AXDND1: variants seen among roughly 807,000 people sequenced by gnomAD.
The protein encoded by AXDND1 is axonemal dynein light chain domain-containing protein 1.
In AXDND1, 110 loss-of-function variants were observed where a neutral mutation model predicts 137.5. That is an observed-to-expected ratio of 0.80 (90% CI 0.69 to 0.94). The LOEUF is 0.94. Ranked by LOEUF, AXDND1 falls within the 40% of genes least tolerant of loss-of-function variation. The pLI, the probability that AXDND1 is intolerant of heterozygous loss-of-function variation, is 0.00. For missense variants in AXDND1, 1,191 were observed against 1,169.8 expected (o/e 1.02, Z -0.26); for synonymous variants, 414 against 399.7 (o/e 1.04, Z -0.43).
chr1:179,531,343 A>G (rs2125700574), intron 23 of AXDND1, among the ~76,000 whole-genome samples: 1 of 152,308 alleles, frequency 6.6e-6, no homozygotes, highest in Middle Eastern at 3.4e-3. Context: ...GGCTGAATTC[A>G]GGTCCCTCTC....
intron 17 of AXDND1, among the ~76,000 whole-genome samples, chr1:179,477,358 A>G (rs944261853): frequency 6.6e-6 from 1 of 152,106 alleles, no homozygotes; most frequent in East Asian, 1.9e-4. Context: ...AGACTGGGCA[A>G]TTTACAAAAG....
intron 24 of AXDND1, among the ~76,000 whole-genome samples, chr1:179,534,114 G>A (rs1448351075): frequency 6.6e-6 from 1 of 152,198 alleles, no homozygotes; most frequent in Non-Finnish European, 1.5e-5. Flanking sequence ...GTGTGTTGGA[G>A]GGGGTTGTTA....
At chr1:179,540,840 A>C (rs1299083201) in intron 25 of AXDND1, among the ~76,000 whole-genome samples, 2 of 152,152 alleles carry the variant, frequency 1.3e-5, no homozygotes, top group Admixed American at 6.5e-5. Flanking sequence ...TTTTTCTATA[A>C]GTCCCTGACT....
intron 4 of AXDND1, among the ~76,000 whole-genome samples, chr1:179,376,678 C>CAGTA (rs1464250289): frequency 6.6e-6 from 1 of 152,138 alleles, no homozygotes; most frequent in Non-Finnish European, 1.5e-5. Context: ...TTAGTTATTC[C>CAGTA]AGTAACATTC....
At chr1:179,494,596 A>G (rs570899853) in intron 20 of AXDND1, among the ~76,000 whole-genome samples, 16 of 149,550 alleles carry the variant, frequency 1.1e-4, no homozygotes, top group African/African-American at 3.7e-4. Flanking sequence ...CTGGACTTGA[A>G]CTCCTGAGCT....
chr1:179,508,354 A>G (rs1041123907), intron 20 of AXDND1, among the ~76,000 whole-genome samples: 1 of 151,494 alleles, frequency 6.6e-6, no homozygotes, highest in African/African-American at 2.4e-5. Context: ...AAAAAAGGCT[A>G]ATAATGAAAG....
chr1:179,461,295 T>C (rs1295121106), intron 16 of AXDND1, among the ~76,000 whole-genome samples: 1 of 152,246 alleles, frequency 6.6e-6, no homozygotes, highest in Non-Finnish European at 1.5e-5. Context: ...CAGCACCATT[T>C]ATTAAATAGG....
chr1:179,386,583 C>T (rs1649260656), intron 9 of AXDND1, among the ~76,000 whole-genome samples: 1 of 152,056 alleles, frequency 6.6e-6, no homozygotes, highest in South Asian at 2.1e-4. Flanking sequence ...GAAGTTGTCC[C>T]ACAGATCACT....
At chr1:179,394,619 G>A (rs1650762005) in intron 10 of AXDND1, among the ~76,000 whole-genome samples, 1 of 94,472 alleles carries the variant, frequency 1.1e-5, no homozygotes, top group Non-Finnish European at 2.5e-5. Context: ...AAATACAGAT[G>A]TTTACCTTAA....
intron 11 of AXDND1, among the ~76,000 whole-genome samples, chr1:179,405,014 T>G (rs894942201): frequency 6.6e-5 from 10 of 152,112 alleles, no homozygotes; most frequent in Admixed American, 2.6e-4. Flanking sequence ...CATCAACCCA[T>G]CATCTAGGTT....
chr1:179,519,425 A>G (rs1346621758), intron 21 of AXDND1, among the ~76,000 whole-genome samples: 1 of 151,954 alleles, frequency 6.6e-6, no homozygotes, highest in Non-Finnish European at 1.5e-5. Context: ...CTTCTGTTGC[A>G]ATTGTTTTTG....
intron 25 of AXDND1, chr1:179,546,195 G>A (rs1227179529): frequency 6.6e-6 from 1 of 151,974 alleles, no homozygotes; most frequent in Admixed American, 6.6e-5. Context: ...AGGTCTCTCT[G>A]GCTTCCTTAA....
chr1:179,545,050 C>T (rs1193440522), intron 25 of AXDND1: 1 of 152,268 alleles, frequency 6.6e-6, no homozygotes, highest in Non-Finnish European at 1.5e-5. Context: ...TTTGTCTGCT[C>T]TGTTCATGAC....
intron 17 of AXDND1, among the ~76,000 whole-genome samples, chr1:179,478,534 G>A (rs12737743): frequency 0.46 from 69,438 of 152,098 alleles, 16,746 homozygotes; most frequent in East Asian, 0.76. Flanking sequence ...CAGCTGGGAT[G>A]CAGGGCACAG....
chr1:179,419,134 T>G lies in AXDND1; in HGVS notation c.1230+7868T>G, dbSNP rs570515416. Among the ~76,000 whole-genome samples, 793 of 135,672 alleles carry G rather than the reference T, an allele frequency of 5.8e-3. 10 individuals are homozygous for G. Among genetic ancestry groups the G allele is most frequent in the African/African-American group, 0.022 (768 of 35,344 alleles). The allele number at this position is 135,672 out of a possible 152,430, so 89.0% of individuals were successfully genotyped here. A position where few individuals can be genotyped will look rare whatever the true frequency, so the allele number is the denominator to read the frequency against. ...CAGAGACGCTCCTCACTTTCCAGAC[T>G]GGGCAGCCAGGCAGAGGGGCTCCTC... is the stretch of plus-strand genomic sequence containing the variant. On this transcript the variant is annotated intron_variant, in intron 12 of 25. Transcript: ENST00000367618.
chr1:179,405,031 C>A (rs940299722), intron 11 of AXDND1, among the ~76,000 whole-genome samples: 2 of 151,900 alleles, frequency 1.3e-5, no homozygotes, highest in Non-Finnish European at 2.9e-5. Context: ...GGTTTTAAGT[C>A]CCACATGCAT....
intron 15 of AXDND1, among the ~76,000 whole-genome samples, chr1:179,439,794 C>T (rs1001011997): frequency 5.9e-5 from 9 of 152,124 alleles, no homozygotes; most frequent in South Asian, 2.1e-4. Context: ...TGGCTCGTAC[C>T]GGAGGGACCG....
intron 4 of AXDND1, among the ~76,000 whole-genome samples, chr1:179,375,503 T>C (rs79268803): frequency 0.33 from 48,808 of 148,176 alleles, 8,362 homozygotes; most frequent in Middle Eastern, 0.44. Context: ...GTATAACATA[T>C]AATGTATAAT....
At chr1:179,493,417 A>G (rs1667133625) in intron 20 of AXDND1, among the ~76,000 whole-genome samples, 1 of 152,184 alleles carries the variant, frequency 6.6e-6, no homozygotes, top group African/African-American at 2.4e-5. Flanking sequence ...TATGCATTTG[A>G]ATTGTTTCCA....
Sources: gnomAD v4.1 joint callset for allele counts (sites outside exome capture counted in the v4.1 genomes callset) on GRCh38, gnomAD v4.1.1 for gene constraint, MANE v1.5 for transcripts, NCBI Gene and HGNC (gene_info 2026-07-23, HGNC 2026-07-21) for gene names.